Variants in TRIO observed in about 807,000 individuals in gnomAD.
TRIO encodes the protein trio Rho guanine nucleotide exchange factor.
TRIO carries 58 observed loss-of-function variants against 351.9 expected under a neutral mutation model. The ratio of observed to expected loss-of-function variants is 0.16; its 90% CI spans 0.13 to 0.21. The LOEUF is 0.21. Among genes scored for constraint, TRIO ranks in the 10% least tolerant of loss-of-function variants. The pLI, the probability that TRIO is intolerant of heterozygous loss-of-function variation, is 1.00. For missense variants in TRIO, 3,201 were observed against 4,027.8 expected, an observed-to-expected ratio of 0.79 and a Z score of 5.56; for synonymous variants, 1,758 against 1,595.7, an observed-to-expected ratio of 1.10 and a Z score of -2.42.
intron 9 of TRIO, among the ~76,000 whole-genome samples, chr5:14,320,443 C>T (rs1449021470): frequency 2.0e-5 from 3 of 152,140 alleles, no homozygotes; most frequent in African/African-American, 7.2e-5. Context: ...TTTCCTGAAG[C>T]CTACTGAGTC....
intron 31 of TRIO, among the ~76,000 whole-genome samples, chr5:14,401,726 G>A (rs1333903860): frequency 6.6e-6 from 1 of 152,214 alleles, no homozygotes; most frequent in Admixed American, 6.5e-5. Context: ...CTCTAAGGTT[G>A]TCTTATGTAT....
chr5:14,367,048 A>C (rs1744661471), intron 16 of TRIO, 69 bp downstream of exon 16: 2 of 1,592,668 alleles, frequency 1.3e-6, no homozygotes, highest in South Asian at 2.3e-5. Flanking sequence ...GAATCCCCCA[A>C]CATGGCACTG....
intron 55 of TRIO, among the ~76,000 whole-genome samples, chr5:14,506,109 C>T (rs1313631250): frequency 1.3e-5 from 2 of 152,216 alleles, no homozygotes; most frequent in Non-Finnish European, 2.9e-5. Context: ...TCCTTTCTGG[C>T]TCCAGACGCT....
chr5:14,393,918 TA>T, intron 27 of TRIO, 119 bp from the exon 28 acceptor site: 1 of 542,826 alleles, frequency 1.8e-6, no homozygotes, highest in Non-Finnish European at 3.1e-6. Context: ...GAAACTTTAT[TA>T]TTTCAGCATG....
intron 21 of TRIO, among the ~76,000 whole-genome samples, chr5:14,381,983 T>C (rs957582173): frequency 6.6e-6 from 1 of 152,198 alleles, no homozygotes; most frequent in African/African-American, 2.4e-5. Flanking sequence ...CTCACAACAG[T>C]TTTGAGGCTC....
At chr5:14,366,425 AAG>A (rs2152342313) in intron 15 of TRIO, among the ~76,000 whole-genome samples, 2 of 152,318 alleles carry the variant, frequency 1.3e-5, no homozygotes, top group South Asian at 4.1e-4. Flanking sequence ...AAGTTGGAAA[AAG>A]AGTTCGTGAA....
chr5:14,261,860 A>G (rs1795365472), intron 1 of TRIO, among the ~76,000 whole-genome samples: 1 of 152,246 alleles, frequency 6.6e-6, no homozygotes, highest in Non-Finnish European at 1.5e-5. Flanking sequence ...CCTTTAAAAT[A>G]TAGATTGATT....
intron 1 of TRIO, among the ~76,000 whole-genome samples, chr5:14,215,436 G>C (rs1259638840): frequency 6.6e-6 from 1 of 152,168 alleles, no homozygotes; most frequent in Non-Finnish European, 1.5e-5. Context: ...CATCTTATTA[G>C]TGAATATGCT....
chr5:14,319,198 T>A (rs1739651075), intron 9 of TRIO, among the ~76,000 whole-genome samples: 1 of 152,228 alleles, frequency 6.6e-6, no homozygotes, highest in Non-Finnish European at 1.5e-5. Context: ...ATACACATAA[T>A]GCATATATGG....
chr5:14,368,071 G>A (rs1260328939), intron 16 of TRIO, among the ~76,000 whole-genome samples: 41 of 152,158 alleles, frequency 2.7e-4, no homozygotes, highest in Admixed American at 2.7e-3. Context: ...CGGCCTCACT[G>A]GAGAGAAGCT....
At chr5:14,342,034 G>C (rs1741981240) in intron 11 of TRIO, among the ~76,000 whole-genome samples, 1 of 152,156 alleles carries the variant, frequency 6.6e-6, no homozygotes, top group South Asian at 2.1e-4. Context: ...CACCAGCCTG[G>C]CTCTGTCTTT....
Position 14,406,542 on chromosome 5 carries a change from T to G in TRIO, c.4860-31T>G, listed in dbSNP as rs544874815. ...TCCAGTGACTGCCAGCTCAGCAGCA[T>G]CAGGAACTAAAAGTTTCTTTGCACC... On this transcript the variant is annotated intron_variant, in intron 32 of 56. Coordinates refer to ENST00000344204, the MANE Select transcript of TRIO (RefSeq NM_007118.4). 5.6e-6 allele frequency: 9 copies of G among 1,606,262 alleles called. No individual in the cohort carries two copies. In the South Asian group the frequency reaches 9.9e-5, roughly 18 times the overall value.
rs1756987312 is a variant in TRIO at position 14,497,592 on chromosome 5, TGGACTCAGCCTGTAGCA to T, written c.8020-254_8020-238del. On this transcript the variant is annotated intron_variant, in intron 50 of 56. Transcript: ENST00000344204. The surrounding 1 kb of genome is among the most constrained non-coding windows in gnomAD (Gnocchi z 4.4). The stretch of plus-strand genomic sequence containing the variant: ...ATTAGGAACGCATCTGAGGACCAGC[TGGACTCAGCCTGTAGCA>T]TGAGAAAAACACACATCTAAGCAGT... Among the ~76,000 whole-genome samples, 1 of 152,220 alleles carries T rather than the reference TGGACTCAGCCTGTAGCA, an allele frequency of 6.6e-6. No homozygotes were observed. Among genetic ancestry groups the T allele is most frequent in the East Asian group, 1.9e-4 (1 of 5,186 alleles).
intron 13 of TRIO, 114 bp downstream of exon 13, chr5:14,359,645 C>A: frequency 3.2e-6 from 4 of 1,245,196 alleles, no homozygotes; most frequent in Non-Finnish European, 2.2e-6. Flanking sequence ...ACCCACACCC[C>A]AACCCTCTGC....
rs1199218113 is a variant in TRIO at position 14,445,791 on chromosome 5, G to A, written c.5204-15228G>A. Among the ~76,000 whole-genome samples the A allele has an allele frequency of 2.6e-5, 4 of 152,182 alleles. No homozygotes were observed. The South Asian group carries it at 6.2e-4, about 24-fold the overall frequency. ...AAGTGGCCCAAGGGCACAGAAGCAG[G>A]CGTGCAGTTGAGTAAGGAACTCTTC... On this transcript the variant is annotated intron_variant, in intron 34 of 56. Transcript: ENST00000344204.
intron 7 of TRIO, 116 bp from the exon 8 acceptor site, chr5:14,304,345 T>G: frequency 1.9e-6 from 2 of 1,052,822 alleles, no homozygotes. Context: ...GAGTCAACCA[T>G]GTTAAATTCT....
In TRIO at chr5:14,330,906, A is replaced by T; in HGVS notation, c.1854+6A>T. The T allele has an allele frequency of 6.2e-7, 1 of 1,613,872 alleles. No individual in the cohort carries two copies. The highest frequency in any genetic ancestry group is 8.5e-7 in the Non-Finnish European group (1 of 1,179,840). ...ATTTTGAAGAAGTGGCACAGGTAAA[A>T]CAATGGCTTCTATTATTTTATCCCA... is the stretch of plus-strand genomic sequence containing the variant. On this transcript the variant is annotated splice_donor_region_variant and intron_variant, in intron 10 of 56. Transcript: ENST00000344204.
chr5:14,277,398 CTGT>C, intron 2 of TRIO, among the ~76,000 whole-genome samples: 1 of 152,282 alleles, frequency 6.6e-6, no homozygotes, highest in South Asian at 2.1e-4. Flanking sequence ...AATCAATGAG[CTGT>C]TGTTTGGTTA....
intron 1 of TRIO, among the ~76,000 whole-genome samples, chr5:14,255,561 A>C (rs888764745): frequency 1.3e-5 from 2 of 152,218 alleles, no homozygotes; most frequent in African/African-American, 4.8e-5. Flanking sequence ...CCCTCCTCTG[A>C]AATGCTGGGC....
Sources: gnomAD v4.1 joint callset for allele counts (sites outside exome capture counted in the v4.1 genomes callset) on GRCh38, gnomAD v4.1.1 for gene constraint, Gnocchi (gnomAD v3.1) non-coding constraint, MANE v1.5 for transcripts, NCBI Gene and HGNC (gene_info 2026-07-23, HGNC 2026-07-21) for gene names.